PRKDC: variants seen among roughly 807,000 people sequenced by gnomAD.
The protein encoded by PRKDC is DNA-dependent protein kinase catalytic subunit.
PRKDC carries 82 observed loss-of-function variants against 486.9 expected under a neutral mutation model. The observed-to-expected ratio is 0.17, with a 90% CI of 0.14 to 0.20. PRKDC has a LOEUF of 0.20. PRKDC is among the 10% of genes least tolerant of loss of function. PRKDC has a pLI of 1.00. For missense variants in PRKDC, 4,504 were observed against 5,038.2 expected (o/e 0.89, Z 3.21); for synonymous variants, 1,895 against 1,837.0 (o/e 1.03, Z -0.81).
intron 14 of PRKDC, 79 bp downstream of exon 14, chr8:47,934,930 T>C: frequency 8.3e-7 from 1 of 1,210,814 alleles, no homozygotes; most frequent in Non-Finnish European, 1.2e-6. Flanking sequence ...TTTGCAAAAT[T>C]ATATTCGAAA....
chr8:47,904,586 G>T (rs2089739900), intron 26 of PRKDC, among the ~76,000 whole-genome samples: 1 of 152,190 alleles, frequency 6.6e-6, no homozygotes, highest in Non-Finnish European at 1.5e-5. Context: ...TTGAGGTCAG[G>T]ACTAAGACCA....
intron 73 of PRKDC, among the ~76,000 whole-genome samples, chr8:47,797,094 G>A (rs1344944481): frequency 6.6e-6 from 1 of 152,062 alleles, no homozygotes; most frequent in Non-Finnish European, 1.5e-5. Context: ...CTTGAGTATG[G>A]GCAAGCTTCC....
At chr8:47,848,705 C>T (rs929631983) in intron 54 of PRKDC, among the ~76,000 whole-genome samples, 7 of 147,934 alleles carry the variant, frequency 4.7e-5, no homozygotes. Context: ...GAAAAGAGTA[C>T]AGGGACAGGG....
At chr8:47,935,106 G>A in intron 13 of PRKDC, 48 bp from the exon 14 acceptor site, 1 of 1,243,372 alleles carries the variant, frequency 8.0e-7, no homozygotes. Flanking sequence ...CTGAAAAACA[G>A]AATCAAAACT....
intron 27 of PRKDC, among the ~76,000 whole-genome samples, chr8:47,901,305 C>A (rs534584395): frequency 1.5e-4 from 23 of 152,142 alleles, no homozygotes; most frequent in African/African-American, 5.5e-4. Context: ...GAAACCCAGT[C>A]TCTACTAAAA....
chr8:47,802,752 A>C (rs1048709314), intron 70 of PRKDC, among the ~76,000 whole-genome samples: 5 of 151,608 alleles, frequency 3.3e-5, no homozygotes, highest in Non-Finnish European at 7.4e-5. Flanking sequence ...TCCCGGGTTC[A>C]CACCATTCTC....
intron 14 of PRKDC, among the ~76,000 whole-genome samples, chr8:47,934,410 C>A (rs2090311458): frequency 6.6e-6 from 1 of 152,168 alleles, no homozygotes; most frequent in Non-Finnish European, 1.5e-5. Context: ...TGGCGGTCGC[C>A]TGTAATACCA....
In PRKDC at chr8:47,821,853, C is replaced by T. The variant is rs1377465895; in HGVS notation, c.8923-61G>A. Reference sequence around the variant, plus strand: ...GTTGGAAAGAATACCAATGAGAACACGTAAAAAGGAGGAATGTAACAATCA... The same window carrying T: ...GTTGGAAAGAATACCAATGAGAACATGTAAAAAGGAGGAATGTAACAATCA... On this transcript the variant is annotated intron_variant, in intron 64 of 85. Coordinates refer to ENST00000314191, the MANE Select transcript of PRKDC (RefSeq NM_006904.7). The T allele has an allele frequency of 3.5e-5, 47 of 1,348,038 alleles. No homozygotes were observed. The East Asian group carries it at 3.9e-4, about 11-fold the overall frequency. 83.5% of individuals were successfully genotyped at this position (1,348,038 alleles called of 1,614,324 possible).
chr8:47,858,459 T>G, intron 48 of PRKDC, 57 bp downstream of exon 48: 9 of 1,365,848 alleles, frequency 6.6e-6, no homozygotes, highest in Non-Finnish European at 8.8e-6. Flanking sequence ...TTCATAGAAT[T>G]GAATAAACAG....
At chr8:47,865,615 T>C (rs1481253253) in intron 40 of PRKDC, among the ~76,000 whole-genome samples, 3 of 152,136 alleles carry the variant, frequency 2.0e-5, no homozygotes, top group African/African-American at 7.2e-5. Flanking sequence ...TAAGACTAAA[T>C]GGCCATTAAA....
At chr8:47,929,430 G>C (rs931279065) in intron 18 of PRKDC, among the ~76,000 whole-genome samples, 2 of 152,190 alleles carry the variant, frequency 1.3e-5, no homozygotes, top group Non-Finnish European at 2.9e-5. Context: ...ATCTCACCCT[G>C]TAATTACCCA....
At chr8:47,823,758 C>T (rs2087661448) in intron 64 of PRKDC, 100 bp downstream of exon 64, 2 of 1,382,970 alleles carry the variant, frequency 1.4e-6, no homozygotes, top group Non-Finnish European at 2.0e-6. Flanking sequence ...GACATTGAAC[C>T]AACAAGGATC....
intron 65 of PRKDC, among the ~76,000 whole-genome samples, chr8:47,821,161 A>T (rs1280953153): frequency 6.6e-6 from 1 of 152,220 alleles, no homozygotes; most frequent in Non-Finnish European, 1.5e-5. Context: ...AACACGTTCT[A>T]CAAAAAATGG....
Position 47,852,759 on chromosome 8 carries a change from T to C in PRKDC, c.6919A>G (p.Met2307Val), listed in dbSNP as rs1056494086. 5.1e-6 allele frequency: 8 copies of C among 1,572,786 alleles called. No homozygotes were observed. Among genetic ancestry groups the C allele is most frequent in the Non-Finnish European group, 6.9e-6 (8 of 1,157,566 alleles). Residue 2307 changes from methionine to valine, a missense_variant, in exon 52 of 86, where the codon ATG becomes GTG. Physicochemically the swap from Met to Val is conservative, Grantham distance 21 (BLOSUM62 1). Coordinates refer to ENST00000314191, the MANE Select transcript of PRKDC (RefSeq NM_006904.7). ...ACTTCTTTATATCTTACAAAGGACA[T>C]ATTATTCACCAAAGCCTGGAAGTAT... is the stretch of plus-strand genomic sequence containing the variant. Reference protein sequence around the residue: ...SEYFQALVNNMSFVRYKEVYA... With the variant: ...SEYFQALVNNVSFVRYKEVYA...
rs796570339 is a variant in PRKDC, at chr8:47,844,010, AC to A, written c.7281-3822del. On this transcript the variant is annotated intron_variant, in intron 54 of 85. Transcript: ENST00000314191. ...GTTAAGTCTACAAAACAACCAGGTAACAACACGACAACAGGATCAAAACCTC... is the reference window on the plus strand; with the variant it reads ...GTTAAGTCTACAAAACAACCAGGTAAAACACGACAACAGGATCAAAACCTC... Among the ~76,000 whole-genome samples the A allele has an allele frequency of 5.1e-4, 77 of 152,380 alleles. 1 individual carries two copies. Among genetic ancestry groups the A allele is most frequent in the African/African-American group, 1.7e-3 (71 of 41,590 alleles).
intron 27 of PRKDC, 85 bp from the exon 28 acceptor site, chr8:47,900,552 G>A: frequency 7.9e-7 from 1 of 1,265,112 alleles, no homozygotes; most frequent in Non-Finnish European, 1.1e-6. Flanking sequence ...ATTAAAGAAG[G>A]CACACATTAA....
At chr8:47,869,603 T>A (rs1295519292) in intron 40 of PRKDC, among the ~76,000 whole-genome samples, 1 of 151,810 alleles carries the variant, frequency 6.6e-6, no homozygotes, top group African/African-American at 2.4e-5. Context: ...CCAGTTGTGG[T>A]GGCCACAGGG....
chr8:47,778,030 T>A (rs1457231876), intron 83 of PRKDC, among the ~76,000 whole-genome samples, 156 bp from the exon 84 acceptor site: 1 of 152,194 alleles, frequency 6.6e-6, no homozygotes, highest in Non-Finnish European at 1.5e-5. Flanking sequence ...TGAGTTCCTA[T>A]GCTCGAGAGT....
chr8:47,871,273 A>G (rs1043530004), intron 40 of PRKDC, among the ~76,000 whole-genome samples: 1 of 152,210 alleles, frequency 6.6e-6, no homozygotes, highest in African/African-American at 2.4e-5. Flanking sequence ...AAATAAAACT[A>G]CCTCAAGGCA....
Sources: gnomAD v4.1 joint callset for allele counts (sites outside exome capture counted in the v4.1 genomes callset) on GRCh38, gnomAD v4.1.1 for gene constraint, MANE v1.5 for transcripts, NCBI Gene and HGNC (gene_info 2026-07-23, HGNC 2026-07-21) for gene names.